Variants in MKLN1 observed in about 807,000 individuals in gnomAD.
The protein encoded by MKLN1 is muskelin 1.
MKLN1 carries 18 observed loss-of-function variants against 99.0 expected under a neutral mutation model. That is an observed-to-expected ratio of 0.18 (90% CI 0.13 to 0.27). MKLN1 has a LOEUF of 0.27. MKLN1 is among the 10% of genes least tolerant of loss of function. MKLN1 has a pLI of 1.00. For missense variants in MKLN1, 621 were observed against 875.9 expected, an observed-to-expected ratio of 0.71 and a Z score of 3.67; for synonymous variants, 288 against 293.2, an observed-to-expected ratio of 0.98 and a Z score of 0.18.
At chr7:131,305,122 G>C (rs944803064) in intron 3 of MKLN1, among the ~76,000 whole-genome samples, 1 of 152,200 alleles carries the variant, frequency 6.6e-6, no homozygotes, top group Admixed American at 6.5e-5. Flanking sequence ...CCAACCACCA[G>C]AACTGTGAGA....
intron 3 of MKLN1, among the ~76,000 whole-genome samples, chr7:131,291,394 G>A (rs1798214986): frequency 6.6e-6 from 1 of 151,646 alleles, no homozygotes; most frequent in Non-Finnish European, 1.5e-5. Context: ...GCCTCCCAAA[G>A]TGCTGGGATT....
At chr7:131,230,895 T>C (rs757539773) in intron 3 of MKLN1, among the ~76,000 whole-genome samples, 1 of 151,822 alleles carries the variant, frequency 6.6e-6, no homozygotes, top group Non-Finnish European at 1.5e-5. Flanking sequence ...CCGAGGCAGA[T>C]GGATCACTTG....
At chr7:131,331,082 A>G (rs1799059945) in intron 1 of MKLN1, among the ~76,000 whole-genome samples, 1 of 152,192 alleles carries the variant, frequency 6.6e-6, no homozygotes, top group Admixed American at 6.5e-5. Context: ...TTTGTATCTA[A>G]TAATGATGCT....
At chr7:131,411,432 C>T in intron 7 of MKLN1, 49 bp downstream of exon 7, 1 of 1,255,030 alleles carries the variant, frequency 8.0e-7, no homozygotes, top group Non-Finnish European at 1.2e-6. Context: ...ATGTCTCAGT[C>T]TTCAGTTTTC....
chr7:131,150,444 A>G (rs905931501), intron 2 of MKLN1, among the ~76,000 whole-genome samples: 5 of 152,232 alleles, frequency 3.3e-5, no homozygotes, highest in African/African-American at 1.2e-4. Context: ...CTATGATGGC[A>G]CCACTGCACT....
At chr7:131,451,780 G>T (rs1273298322) in intron 12 of MKLN1, among the ~76,000 whole-genome samples, 1 of 152,106 alleles carries the variant, frequency 6.6e-6, no homozygotes, top group Admixed American at 6.5e-5. Context: ...TGAACACAAG[G>T]GGTTTAGCAG....
chr7:131,410,701 T>C (rs1794848715), intron 6 of MKLN1, among the ~76,000 whole-genome samples: 1 of 152,118 alleles, frequency 6.6e-6, no homozygotes, highest in Non-Finnish European at 1.5e-5. Flanking sequence ...AGATTAAGAA[T>C]TTCATAGTTG....
chr7:131,298,158 A>C (rs1584898788), intron 3 of MKLN1, among the ~76,000 whole-genome samples: 2 of 151,964 alleles, frequency 1.3e-5, no homozygotes, highest in South Asian at 2.1e-4. Context: ...GTAGTCCCAG[A>C]TACTCGGGAG....
chr7:131,251,069 A>C (rs1797569894), intron 3 of MKLN1, among the ~76,000 whole-genome samples: 1 of 151,176 alleles, frequency 6.6e-6, no homozygotes, highest in Admixed American at 6.6e-5. Context: ...TTCTGGACAG[A>C]CAGCCAGCAG....
intron 1 of MKLN1, among the ~76,000 whole-genome samples, chr7:131,369,929 C>T (rs866786548): frequency 2.6e-5 from 4 of 151,398 alleles, no homozygotes; most frequent in African/African-American, 4.9e-5. Flanking sequence ...CTCTGCCTCC[C>T]GGGTTCAAGC....
chr7:131,400,214 CTG>C (rs2116253240), intron 6 of MKLN1, among the ~76,000 whole-genome samples: 1 of 151,858 alleles, frequency 6.6e-6, no homozygotes, highest in East Asian at 1.9e-4. Context: ...AATTTTATCA[CTG>C]TTATTATCGT....
chr7:131,285,325 G>A (rs1035324188), intron 3 of MKLN1, among the ~76,000 whole-genome samples: 2 of 152,194 alleles, frequency 1.3e-5, no homozygotes, highest in African/African-American at 2.4e-5. Context: ...TTCAAGGAGT[G>A]TTTGCCAAAG....
At chr7:131,130,073 A>G (rs1390111849) in intron 1 of MKLN1, among the ~76,000 whole-genome samples, 1 of 152,200 alleles carries the variant, frequency 6.6e-6, no homozygotes, top group Non-Finnish European at 1.5e-5. Flanking sequence ...ATGAAATGGG[A>G]GCCAAGGTGA....
chr7:131,400,516 AAAATAT>A (rs887588990), intron 6 of MKLN1, among the ~76,000 whole-genome samples: 15 of 108,080 alleles, frequency 1.4e-4, no homozygotes, highest in African/African-American at 6.8e-4. Flanking sequence ...CAATAAAAAA[AAAATAT>A]ATATATATAT....
intron 17 of MKLN1, among the ~76,000 whole-genome samples, chr7:131,484,803 T>C (rs1210288614): frequency 6.6e-6 from 1 of 151,850 alleles, no homozygotes; most frequent in African/African-American, 2.4e-5. Context: ...ATATAGCAAA[T>C]CTAGAACTCT....
chr7:131,167,686 AT>A (rs1363011149), intron 2 of MKLN1, among the ~76,000 whole-genome samples: 1 of 151,590 alleles, frequency 6.6e-6, no homozygotes, highest in Non-Finnish European at 1.5e-5. Flanking sequence ...AAAAAAAAAA[AT>A]AATGTGGAAA....
In MKLN1 at chr7:131,414,688, G is replaced by A; in HGVS notation, c.825G>A (p.Gln275=). The part of the protein sequence containing the change: ...DNRPGMRGGH[Q]MVIDVQTETV... ...GTCCAGGAATGAGAGGAGGCCATCA[G>A]ATGGTTATTGATGTTCAAACAGGTG... is the stretch of plus-strand genomic sequence containing the variant. The change falls in exon 8 of 18, where the codon CAG becomes CAA. Residue 275 remains glutamine (Q), a synonymous_variant. Coordinates refer to ENST00000352689, the MANE Select transcript of MKLN1 (RefSeq NM_013255.5). 1 of 1,606,742 alleles carries A rather than the reference G, an allele frequency of 6.2e-7. No homozygotes were observed. Among genetic ancestry groups the A allele is most frequent in the Non-Finnish European group, 8.5e-7 (1 of 1,176,284 alleles).
rs567502118 is a variant in MKLN1, at chr7:131,342,453, A to G, written c.98+14456A>G. Among the ~76,000 whole-genome samples, 189 of 152,346 alleles carry G rather than the reference A, an allele frequency of 1.2e-3. 2 individuals are homozygous for G. The South Asian group carries it at 0.022, about 18-fold the overall frequency. Reference sequence around the variant, plus strand: ...TGCTAAGCAGTTTGTGCTGGGGACAATAGTTGAAACTCGGTGTTTTTTCCT... The same window carrying G: ...TGCTAAGCAGTTTGTGCTGGGGACAGTAGTTGAAACTCGGTGTTTTTTCCT... On this transcript the variant is annotated intron_variant, in intron 1 of 17. Transcript: ENST00000352689.
intron 2 of MKLN1, among the ~76,000 whole-genome samples, chr7:131,200,289 A>G (rs1435616443): frequency 6.6e-6 from 1 of 152,250 alleles, no homozygotes; most frequent in Non-Finnish European, 1.5e-5. Flanking sequence ...AAAAGGAAAG[A>G]GTAAAATTCC....
Sources: allele counts gnomAD v4.1 joint callset (sites outside exome capture counted in the v4.1 genomes callset), GRCh38; gene constraint gnomAD v4.1.1; transcripts MANE v1.5; gene names NCBI Gene and HGNC (gene_info 2026-07-23, HGNC 2026-07-21).